The following RBFOX1 variants were observed in gnomAD, a reference collection of about 807,000 sequenced individuals.
RBFOX1 encodes RNA binding protein fox-1 homolog 1.
Under a neutral mutation model 57.7 loss-of-function variants are expected in RBFOX1, and 8 were observed. That is an observed-to-expected ratio of 0.14 (90% CI 0.08 to 0.25). The LOEUF is 0.25. Among genes scored for constraint, RBFOX1 ranks in the 10% least tolerant of loss-of-function variants. The probability of loss-of-function intolerance (pLI) is 1.00; values close to 1 mark genes in which losing one functional copy is unlikely to be tolerated. For synonymous variants in RBFOX1, 326 were observed against 222.4 expected (o/e 1.47, Z -4.15); for missense variants, 611 against 548.5 (o/e 1.11, Z -1.14).
intron 9 of RBFOX1, among the ~76,000 whole-genome samples, chr16:7,598,684 G>A (rs569597979): frequency 9.2e-4 from 140 of 152,188 alleles, no homozygotes; most frequent in African/African-American, 3.2e-3. Flanking sequence ...TATTCATAGT[G>A]TTGTATACAT....
intron 4 of RBFOX1, among the ~76,000 whole-genome samples, chr16:7,316,810 G>T (rs924118513): frequency 6.6e-6 from 1 of 152,018 alleles, no homozygotes; most frequent in Non-Finnish European, 1.5e-5. Flanking sequence ...AGTGCCTGTT[G>T]CTTGCCTAGG....
chr16:6,232,043 C>T (rs941333227), intron 1 of RBFOX1, among the ~76,000 whole-genome samples: 1 of 152,098 alleles, frequency 6.6e-6, no homozygotes, highest in African/African-American at 2.4e-5. Context: ...ACCAATATTT[C>T]CTGAAATTCA....
At chr16:7,433,420 T>C (rs2098697720) in intron 4 of RBFOX1, among the ~76,000 whole-genome samples, 3 of 152,328 alleles carry the variant, frequency 2.0e-5, no homozygotes, top group South Asian at 4.1e-4. Context: ...TCTAAGGAAC[T>C]TCAAGTCTAA....
intron 1 of RBFOX1, among the ~76,000 whole-genome samples, chr16:6,198,188 C>G (rs566566183): frequency 1.3e-4 from 20 of 152,234 alleles, no homozygotes; most frequent in Admixed American, 3.3e-4. Context: ...AGTGAAAACA[C>G]AAGGATGATT....
At chr16:6,920,357 G>A (rs75106288) in intron 3 of RBFOX1, among the ~76,000 whole-genome samples, 3,234 of 152,248 alleles carry the variant, frequency 0.021, 121 homozygotes, top group African/African-American at 0.073. Flanking sequence ...ATATTGTCAT[G>A]ATACAATCTC....
rs1439030864 is a variant in RBFOX1, at chr16:5,887,554, A to G, written c.351+20219A>G. The stretch of plus-strand genomic sequence containing the variant: ...GTAGCTGGGATTACAGGCACTCCCC[A>G]ATGCGCCTGGATAATTTTTTTTTCT... On this transcript the variant is annotated intron_variant, in intron 4 of 19. Coordinates refer to the RBFOX1 transcript ENST00000641259. Among the ~76,000 whole-genome samples, 15 of 152,208 alleles carry G rather than the reference A, an allele frequency of 9.9e-5. 1 individual carries two copies. The South Asian group carries it at 2.5e-3, about 25-fold the overall frequency.
chr16:5,519,150 A>T (rs2043914355), intron 2 of RBFOX1, among the ~76,000 whole-genome samples: 1 of 152,200 alleles, frequency 6.6e-6, no homozygotes, highest in African/African-American at 2.4e-5. Flanking sequence ...ACTGTGAGAG[A>T]AGTAAATTTC....
intron 4 of RBFOX1, among the ~76,000 whole-genome samples, chr16:5,935,753 C>T (rs1044409478): frequency 3.3e-5 from 5 of 152,322 alleles, no homozygotes; most frequent in African/African-American, 1.2e-4. Flanking sequence ...AGAGCCTGGT[C>T]TACTTAGCGG....
chr16:5,966,854 C>A (rs923707763), intron 4 of RBFOX1, among the ~76,000 whole-genome samples: 3 of 151,990 alleles, frequency 2.0e-5, no homozygotes, highest in African/African-American at 7.2e-5. Context: ...CATGGAAGTG[C>A]AATTCATGCC....
intron 4 of RBFOX1, among the ~76,000 whole-genome samples, chr16:5,980,851 A>C (rs2060157620): frequency 6.6e-6 from 1 of 152,096 alleles, no homozygotes; most frequent in African/African-American, 2.4e-5. Context: ...TTTGTCGGGC[A>C]ACGCTGTCGT....
intron 3 of RBFOX1, among the ~76,000 whole-genome samples, chr16:5,653,442 C>T (rs2049315534): frequency 6.7e-6 from 1 of 148,636 alleles, no homozygotes; most frequent in Admixed American, 6.7e-5. Context: ...GGGTGTGGAG[C>T]CGTGTGCTCC....
intron 3 of RBFOX1, among the ~76,000 whole-genome samples, chr16:5,801,408 C>G (rs1437436694): frequency 6.6e-6 from 1 of 150,990 alleles, no homozygotes; most frequent in Non-Finnish European, 1.5e-5. Context: ...GGAAAACAAC[C>G]TTGTAGGAAA....
At chr16:6,309,111 GTT>G (rs1169431916) in intron 1 of RBFOX1, among the ~76,000 whole-genome samples, 2 of 151,994 alleles carry the variant, frequency 1.3e-5, no homozygotes, top group Non-Finnish European at 2.9e-5. Context: ...GCGTTCGCCT[GTT>G]TTGAATTCAA....
chr16:6,447,568 C>A (rs1597375228), intron 2 of RBFOX1, among the ~76,000 whole-genome samples: 1 of 152,096 alleles, frequency 6.6e-6, no homozygotes, highest in African/African-American at 2.4e-5. Context: ...GTTTTTAGAC[C>A]GTGTGCTAAT....
At chr16:7,286,676 T>G (rs1198459359) in intron 4 of RBFOX1, among the ~76,000 whole-genome samples, 1 of 142,998 alleles carries the variant, frequency 7.0e-6, no homozygotes, top group Non-Finnish European at 1.5e-5. Context: ...CAGGATGGAG[T>G]GCAGTGGCGA....
intron 3 of RBFOX1, among the ~76,000 whole-genome samples, chr16:5,781,591 C>T (rs183089699): frequency 9.2e-5 from 14 of 152,292 alleles, no homozygotes; most frequent in African/African-American, 2.4e-4. Flanking sequence ...CGGACTCCGC[C>T]GCAACCATCA....
chr16:5,992,728 G>C (rs2060422241), intron 4 of RBFOX1, among the ~76,000 whole-genome samples: 1 of 152,224 alleles, frequency 6.6e-6, no homozygotes, highest in Admixed American at 6.5e-5. Context: ...GAGGTCAGTA[G>C]TTCAAGACCG....
At chr16:7,572,374 C>T (rs11641648) in intron 5 of RBFOX1, among the ~76,000 whole-genome samples, 3 of 151,956 alleles carry the variant, frequency 2.0e-5, no homozygotes, top group African/African-American at 7.3e-5. Context: ...TGAGAACTTA[C>T]CACGGACTCC....
chr16:5,725,553 G>A (rs1182736324), intron 3 of RBFOX1, among the ~76,000 whole-genome samples: 3 of 151,764 alleles, frequency 2.0e-5, no homozygotes, highest in Non-Finnish European at 4.4e-5. Flanking sequence ...GTGAGCCACT[G>A]CACCCAGCTC....
Sources: gnomAD v4.1 joint callset for allele counts (sites outside exome capture counted in the v4.1 genomes callset) on GRCh38, gnomAD v4.1.1 for gene constraint, MANE v1.5 for transcripts, NCBI Gene and HGNC (gene_info 2026-07-23, HGNC 2026-07-21) for gene names.